The following ADGRV1 variants were observed in gnomAD, a reference collection of about 807,000 sequenced individuals.
ADGRV1 encodes adhesion G protein-coupled receptor V1.
A neutral mutation model predicts 596.2 loss-of-function variants in ADGRV1; 359 were observed. The observed-to-expected ratio is 0.60, with a 90% CI of 0.55 to 0.66. ADGRV1 has a LOEUF of 0.66. ADGRV1 is among the 30% of genes least tolerant of loss of function. The probability of loss-of-function intolerance (pLI) is 0.00; values close to 1 mark genes in which losing one functional copy is unlikely to be tolerated. For synonymous variants in ADGRV1, 2,681 were observed against 2,679.2 expected (o/e 1.00, Z -0.02); for missense variants, 7,274 against 7,575.6 (o/e 0.96, Z 1.48).
intron 87 of ADGRV1, among the ~76,000 whole-genome samples, chr5:91,140,470 C>A (rs1363784448): frequency 6.6e-6 from 1 of 152,140 alleles, no homozygotes; most frequent in African/African-American, 2.4e-5. Flanking sequence ...TTATTTATTA[C>A]AGCACAATTT....
chr5:90,594,960 C>T (rs1190437536), intron 1 of ADGRV1, among the ~76,000 whole-genome samples: 2 of 147,510 alleles, frequency 1.4e-5, no homozygotes, highest in African/African-American at 2.6e-5. Context: ...TCCACAAAGC[C>T]GCCATTGTCA....
chr5:90,792,278 A>G (rs1760167792), intron 70 of ADGRV1: 1 of 152,200 alleles, frequency 6.6e-6, no homozygotes, highest in African/African-American at 2.4e-5. Flanking sequence ...TGCTGCTTTC[A>G]TGGAGGTGTG....
At chr5:91,075,501 G>A (rs1421414598) in intron 86 of ADGRV1, among the ~76,000 whole-genome samples, 1 of 152,078 alleles carries the variant, frequency 6.6e-6, no homozygotes, top group African/African-American at 2.4e-5. Context: ...TTGAATATAA[G>A]GCAAAAGTTC....
chr5:90,939,484 G>A (rs1487022173), intron 83 of ADGRV1, among the ~76,000 whole-genome samples: 2 of 152,166 alleles, frequency 1.3e-5, no homozygotes, highest in East Asian at 3.8e-4. Context: ...TAGGCTCACA[G>A]CTGACTTTCC....
rs1782177328 is a variant in ADGRV1, at chr5:91,005,302, ATATCTTAAAATTG to A, written c.18152+19785_18152+19797del. 2.0e-5 allele frequency among the ~76,000 whole-genome samples: 3 copies of A among 152,298 alleles called. No individual in the cohort carries two copies. In the South Asian group the frequency reaches 6.2e-4, roughly 32 times the overall value. ...AGAAATTTAACAGAATTTTAAAATT[ATATCTTAAAATTG>A]TATCATAACTTTGTAAGGCAACAAA... On this transcript the variant is annotated intron_variant, in intron 85 of 89. Transcript: ENST00000405460.
At chr5:90,907,257 G>T (rs1383277550) in intron 83 of ADGRV1, among the ~76,000 whole-genome samples, 2 of 152,076 alleles carry the variant, frequency 1.3e-5, no homozygotes, top group Non-Finnish European at 2.9e-5. Flanking sequence ...GGAAACAAAA[G>T]AATGAGCCCT....
intron 83 of ADGRV1, among the ~76,000 whole-genome samples, chr5:90,955,488 A>C (rs1777396793): frequency 6.6e-6 from 1 of 152,178 alleles, no homozygotes; most frequent in Non-Finnish European, 1.5e-5. Context: ...ATGTGATTTA[A>C]AATAACAGAA....
At chr5:91,122,348 T>C (rs1449269871) in intron 87 of ADGRV1, among the ~76,000 whole-genome samples, 1 of 152,212 alleles carries the variant, frequency 6.6e-6, no homozygotes, top group African/African-American at 2.4e-5. Flanking sequence ...CAGTGGCATT[T>C]CCCAAATGGT....
chr5:91,036,485 C>T (rs1184285931), intron 85 of ADGRV1, among the ~76,000 whole-genome samples: 1 of 151,842 alleles, frequency 6.6e-6, no homozygotes, highest in East Asian at 1.9e-4. Flanking sequence ...TGGCGTGAAC[C>T]CGGGAGGCGG....
rs781037897 is a variant in ADGRV1 at position 90,703,780 on chromosome 5, A to C, written c.8271A>C (p.Gln2757His). ...TCAATTTTGCTAACTTTAGCGGACAACTTTTCTTTCCTGAGGTAATACTGC... is the reference window on the plus strand; with the variant it reads ...TCAATTTTGCTAACTTTAGCGGACACCTTTTCTTTCCTGAGGTAATACTGC... ...LELNFANFSG[Q>H]LFFPEGSLNT... is the part of the protein sequence containing the mutation. The change falls in exon 35 of 90, where the codon CAA becomes CAC. Residue 2757 changes from glutamine (Q) to histidine (H), a missense_variant. By Grantham distance (24) the Gln-to-His change is conservative. This residue lies in a region of ADGRV1 where 3,643 missense variants were observed against 3,809.2 expected (regional missense o/e 0.96). Transcript: ENST00000405460. The C allele has an allele frequency of 6.3e-7, 1 of 1,597,726 alleles. No homozygotes were observed. Among genetic ancestry groups the C allele is most frequent in the Non-Finnish European group, 8.5e-7 (1 of 1,171,832 alleles).
intron 83 of ADGRV1, among the ~76,000 whole-genome samples, chr5:90,877,148 A>G (rs1769292712): frequency 6.6e-6 from 1 of 152,238 alleles, no homozygotes; most frequent in Non-Finnish European, 1.5e-5. Context: ...TGTCTTCACC[A>G]GGAAGAATCT....
intron 52 of ADGRV1, among the ~76,000 whole-genome samples, chr5:90,747,008 A>T (rs578021743): frequency 6.6e-6 from 1 of 152,196 alleles, no homozygotes; most frequent in Non-Finnish European, 1.5e-5. Flanking sequence ...TCTGATGGTG[A>T]TGAGTGTACT....
chr5:90,990,447 T>C (rs1780866376), intron 85 of ADGRV1, among the ~76,000 whole-genome samples: 1 of 152,184 alleles, frequency 6.6e-6, no homozygotes, highest in Non-Finnish European at 1.5e-5. Context: ...AGTGGAAATA[T>C]CTAAACTAGA....
chr5:90,679,260 G>T (rs1744632041), intron 25 of ADGRV1, among the ~76,000 whole-genome samples: 1 of 150,902 alleles, frequency 6.6e-6, no homozygotes, highest in Non-Finnish European at 1.5e-5. Flanking sequence ...TTACGTTGGT[G>T]TAAAAAAATG....
intron 86 of ADGRV1, among the ~76,000 whole-genome samples, chr5:91,072,980 C>T (rs939558474): frequency 2.0e-5 from 3 of 152,172 alleles, no homozygotes; most frequent in African/African-American, 7.2e-5. Context: ...CAAACCTCCG[C>T]AGTGCTCATG....
At chr5:91,012,318 A>G (rs1239797022) in intron 85 of ADGRV1, among the ~76,000 whole-genome samples, 1 of 151,944 alleles carries the variant, frequency 6.6e-6, no homozygotes, top group African/African-American at 2.4e-5. Context: ...CCATTGAACA[A>G]CTTACGCTTT....
intron 45 of ADGRV1, among the ~76,000 whole-genome samples, chr5:90,724,023 T>A (rs985492227): frequency 6.6e-6 from 1 of 152,090 alleles, no homozygotes; most frequent in Non-Finnish European, 1.5e-5. Context: ...GTGAGTCTGC[T>A]TGGCATTCTT....
At chr5:91,045,902 A>G (rs1284297243) in intron 85 of ADGRV1, among the ~76,000 whole-genome samples, 2 of 152,176 alleles carry the variant, frequency 1.3e-5, no homozygotes, top group African/African-American at 2.4e-5. Context: ...GAATCAAGTC[A>G]AGAACTCAAC....
rs372498619 is a variant in ADGRV1, at chr5:90,662,768, C to T, written c.4752+4490C>T. 1.7e-3 allele frequency among the ~76,000 whole-genome samples: 254 copies of T among 152,138 alleles called. 1 individual carries two copies. Among genetic ancestry groups the T allele is most frequent in the South Asian group, 8.3e-3 (40 of 4,812 alleles). ...CAATGCTATCCCTTCCCCCTCCCCC[C>T]ACCACACAACAGTCCCCAGAGTGTG... On this transcript the variant is annotated intron_variant, in intron 21 of 89. Coordinates refer to ENST00000405460, the MANE Select transcript of ADGRV1 (RefSeq NM_032119.4).
Sources: gnomAD v4.1 joint callset for allele counts (sites outside exome capture counted in the v4.1 genomes callset) on GRCh38, gnomAD v4.1.1 for gene constraint, gnomAD v4.1.1 regional missense constraint, MANE v1.5 for transcripts, NCBI Gene and HGNC (gene_info 2026-07-23, HGNC 2026-07-21) for gene names.